KCNMB2: variants seen among roughly 807,000 people sequenced by gnomAD.
KCNMB2 encodes the protein calcium-activated potassium channel subunit beta-2.
In KCNMB2, 9 loss-of-function variants were observed where a neutral mutation model predicts 24.5. The ratio of observed to expected loss-of-function variants is 0.37; its 90% confidence interval spans 0.22 to 0.64. The LOEUF (loss-of-function observed/expected upper bound fraction) is 0.64, where lower values mean the gene tolerates loss of function less well. Among genes scored for constraint, KCNMB2 ranks in the 30% least tolerant of loss-of-function variants. The pLI is 0.63. For missense variants in KCNMB2, 226 were observed against 284.3 expected (o/e 0.79, Z 1.47); for synonymous variants, 109 against 104.4 (o/e 1.04, Z -0.27).
chr3:178,798,898 A>G (rs1392954093), intron 1 of KCNMB2, among the ~76,000 whole-genome samples: 2 of 152,184 alleles, frequency 1.3e-5, no homozygotes, highest in Admixed American at 1.3e-4. Flanking sequence ...AAATTAAGAA[A>G]AAAAAAGAAA....
chr3:178,726,455 AGTAG>A (rs1722970176), intron 1 of KCNMB2, among the ~76,000 whole-genome samples: 1 of 152,014 alleles, frequency 6.6e-6, no homozygotes, highest in African/African-American at 2.4e-5. Flanking sequence ...ATTCTTTTAG[AGTAG>A]GTCTGATGGC....
At chr3:178,656,389 C>T (rs1720344460) in intron 1 of KCNMB2, among the ~76,000 whole-genome samples, 1 of 152,196 alleles carries the variant, frequency 6.6e-6, no homozygotes, top group African/African-American at 2.4e-5. Context: ...GAGAATTCTT[C>T]TTGAATAATG....
chr3:178,645,230 A>G (rs1719878954), intron 1 of KCNMB2, among the ~76,000 whole-genome samples: 1 of 151,786 alleles, frequency 6.6e-6, no homozygotes, highest in Non-Finnish European at 1.5e-5. Flanking sequence ...TTGTATTTTT[A>G]GTAGAGACGG....
intron 1 of KCNMB2, among the ~76,000 whole-genome samples, chr3:178,644,196 T>C (rs532613797): frequency 6.6e-6 from 1 of 152,308 alleles, no homozygotes; most frequent in African/African-American, 2.4e-5. Context: ...GGTGCTTGAC[T>C]GGGACTTCAA....
chr3:178,812,187 C>T (rs879720117), intron 2 of KCNMB2, among the ~76,000 whole-genome samples: 9 of 151,642 alleles, frequency 5.9e-5, no homozygotes, highest in Admixed American at 5.3e-4. Context: ...TGTGGTTTGG[C>T]TTTTCACTTT....
intron 1 of KCNMB2, among the ~76,000 whole-genome samples, chr3:178,635,022 G>T (rs1330045043): frequency 6.6e-6 from 1 of 152,122 alleles, no homozygotes. Flanking sequence ...GGACTGTGGT[G>T]ATGGAAGGGA....
intron 1 of KCNMB2, among the ~76,000 whole-genome samples, chr3:178,664,881 T>C (rs1220612240): frequency 1.3e-5 from 2 of 152,158 alleles, no homozygotes; most frequent in Non-Finnish European, 2.9e-5. Context: ...AGATAATTTT[T>C]CTTGTCACAA....
intron 1 of KCNMB2, among the ~76,000 whole-genome samples, chr3:178,733,880 A>G (rs7631210): frequency 0.49 from 73,808 of 152,034 alleles, 18,390 homozygotes; most frequent in African/African-American, 0.61. Context: ...ACATTGTAGT[A>G]ATGCAAGTAA....
chr3:178,667,977 A>G (rs1720777496), intron 1 of KCNMB2, among the ~76,000 whole-genome samples: 1 of 152,168 alleles, frequency 6.6e-6, no homozygotes, highest in African/African-American at 2.4e-5. Flanking sequence ...GTTTTTAAGC[A>G]GAGGGAGTAC....
chr3:178,720,232 T>G (rs1722753347), intron 1 of KCNMB2, among the ~76,000 whole-genome samples: 1 of 151,960 alleles, frequency 6.6e-6, no homozygotes, highest in African/African-American at 2.4e-5. Flanking sequence ...CATGCAGTGT[T>G]TGGTTTTTTG....
chr3:178,670,583 C>A (rs1720867446), intron 1 of KCNMB2, among the ~76,000 whole-genome samples: 1 of 152,110 alleles, frequency 6.6e-6, no homozygotes, highest in South Asian at 2.1e-4. Flanking sequence ...GAGGGCTGCA[C>A]AACAGAAGGC....
chr3:178,625,281 C>T (rs1719072338), intron 1 of KCNMB2, among the ~76,000 whole-genome samples: 1 of 151,994 alleles, frequency 6.6e-6, no homozygotes, highest in Non-Finnish European at 1.5e-5. Context: ...GGCAGGGGCC[C>T]ACCCAGGACA....
Position 178,754,195 on chromosome 3 carries a change from CAT to C in KCNMB2, c.-67-53133_-67-53132del, listed in dbSNP as rs144108176. 8.7e-5 allele frequency among the ~76,000 whole-genome samples: 12 copies of C among 137,462 alleles called. No individual in the cohort carries two copies. In the East Asian group the frequency reaches 1.5e-3, roughly 17 times the overall value. 90.2% of individuals were successfully genotyped at this position (137,462 alleles called of 152,430 possible). ...ATATATATACACACACACACACATA[CAT>C]ATATATATATATATCACATTTTCTT... is the stretch of plus-strand genomic sequence containing the variant. On this transcript the variant is annotated intron_variant, in intron 1 of 4. Coordinates refer to ENST00000452583, the MANE Select transcript of KCNMB2 (RefSeq NM_181361.3).
chr3:178,672,875 C>G (rs1577087248), intron 1 of KCNMB2, among the ~76,000 whole-genome samples: 1 of 152,104 alleles, frequency 6.6e-6, no homozygotes, highest in East Asian at 1.9e-4. Flanking sequence ...AGGGTCATAC[C>G]TCCAGGCTTG....
chr3:178,541,076 A>G (rs910984401), intron 1 of KCNMB2, among the ~76,000 whole-genome samples: 5 of 152,330 alleles, frequency 3.3e-5, no homozygotes, highest in African/African-American at 9.6e-5. Flanking sequence ...TCAGAGTCAG[A>G]GCTCTGTGTC....
In KCNMB2 at chr3:178,792,569, T is replaced by C. The variant is rs1444318842; in HGVS notation, c.-67-14774T>C. On this transcript the variant is annotated intron_variant, in intron 1 of 4. Coordinates refer to ENST00000452583, the MANE Select transcript of KCNMB2 (RefSeq NM_181361.3). ...AATTGCAGGAGTACATCTTTACATA[T>C]CAATAATAACATTGGATGGAAATAA... Among the ~76,000 whole-genome samples the C allele has an allele frequency of 2.0e-5, 3 of 151,940 alleles. No homozygotes were observed. The South Asian group carries it at 6.2e-4, about 31-fold the overall frequency.
chr3:178,705,832 C>T (rs1722260049), intron 1 of KCNMB2, among the ~76,000 whole-genome samples: 1 of 152,120 alleles, frequency 6.6e-6, no homozygotes, highest in African/African-American at 2.4e-5. Context: ...CTCCAGGAAA[C>T]AGAATGTCAA....
intron 1 of KCNMB2, among the ~76,000 whole-genome samples, chr3:178,633,733 C>G (rs1050308750): frequency 7.9e-5 from 12 of 152,232 alleles, no homozygotes; most frequent in African/African-American, 2.4e-4. Context: ...GCATTTGGCT[C>G]CTTGTTACTC....
rs534626987 is a variant in KCNMB2 at position 178,794,609 on chromosome 3, G to T, written c.-67-12734G>T. Among the ~76,000 whole-genome samples the T allele has an allele frequency of 2.6e-5, 4 of 152,328 alleles. No homozygotes were observed. The South Asian group carries it at 6.2e-4, about 24-fold the overall frequency. The stretch of plus-strand genomic sequence containing the variant: ...GGTATAGCCAGTGCATAGGATGATA[G>T]AATCAAGAATCAAAAAATGACGATT... On this transcript the variant is annotated intron_variant, in intron 1 of 4. Transcript: ENST00000452583.
Sources: gnomAD v4.1 joint callset for allele counts (sites outside exome capture counted in the v4.1 genomes callset) on GRCh38, gnomAD v4.1.1 for gene constraint, MANE v1.5 for transcripts, NCBI Gene and HGNC (gene_info 2026-07-23, HGNC 2026-07-21) for gene names.